The following GFRA1 variants were observed in gnomAD, a reference collection of about 807,000 sequenced individuals.
GFRA1 encodes the protein GDNF family receptor alpha-1.
Under a neutral mutation model 51.6 loss-of-function variants are expected in GFRA1, and 16 were observed. The ratio of observed to expected loss-of-function variants is 0.31; its 90% CI spans 0.21 to 0.47. The LOEUF (loss-of-function observed/expected upper bound fraction) is 0.47. GFRA1 is among the 20% of genes least tolerant of loss of function. The probability of loss-of-function intolerance (pLI) is 1.00; values close to 1 mark genes in which losing one functional copy is unlikely to be tolerated. For missense variants in GFRA1, 530 were observed against 594.3 expected, an observed-to-expected ratio of 0.89 and a Z score of 1.13; for synonymous variants, 270 against 241.3, an observed-to-expected ratio of 1.12 and a Z score of -1.10.
At chr10:116,066,056 G>T (rs369750318) in intron 9 of GFRA1, among the ~76,000 whole-genome samples, 5 of 152,290 alleles carry the variant, frequency 3.3e-5, no homozygotes, top group African/African-American at 1.2e-4. Flanking sequence ...TTTTTGGGAA[G>T]TACCTCCTTC....
At chr10:116,258,980 T>C (rs1389847511) in intron 4 of GFRA1, among the ~76,000 whole-genome samples, 2 of 152,208 alleles carry the variant, frequency 1.3e-5, no homozygotes, top group Admixed American at 6.5e-5. Context: ...AGAATATATA[T>C]AGTGGTTTCA....
intron 5 of GFRA1, among the ~76,000 whole-genome samples, chr10:116,138,094 C>A (rs1958409337): frequency 6.6e-6 from 1 of 152,170 alleles, no homozygotes; most frequent in South Asian, 2.1e-4. Context: ...AGTCACCGCG[C>A]CCGGCCTGTA....
chr10:116,138,092 C>T (rs969742474), intron 5 of GFRA1, among the ~76,000 whole-genome samples: 2 of 152,138 alleles, frequency 1.3e-5, no homozygotes, highest in South Asian at 2.1e-4. Context: ...TGAGTCACCG[C>T]GCCCGGCCTG....
chr10:116,078,720 A>AGC (rs1227165296), intron 9 of GFRA1, among the ~76,000 whole-genome samples: 1 of 152,212 alleles, frequency 6.6e-6, no homozygotes, highest in East Asian at 1.9e-4. Flanking sequence ...CAAAAATAAC[A>AGC]GCGGGTGCTA....
intron 4 of GFRA1, among the ~76,000 whole-genome samples, chr10:116,212,772 T>A (rs1326015386): frequency 6.6e-6 from 1 of 152,188 alleles, no homozygotes; most frequent in African/African-American, 2.4e-5. Context: ...TATACTACAG[T>A]TTATTTCTCC....
intron 5 of GFRA1, among the ~76,000 whole-genome samples, chr10:116,138,673 G>A (rs1327671287): frequency 3.3e-5 from 3 of 91,346 alleles, no homozygotes; most frequent in Non-Finnish European, 4.0e-5. Context: ...CTTCACAACT[G>A]CCCCACCAAC....
At chr10:116,143,290 A>G (rs916350781) in intron 5 of GFRA1, among the ~76,000 whole-genome samples, 3 of 151,830 alleles carry the variant, frequency 2.0e-5, no homozygotes, top group Non-Finnish European at 4.4e-5. Flanking sequence ...TGGGCAGAGC[A>G]CTTCTCAAAC....
At chr10:116,215,665 A>G (rs1044354737) in intron 4 of GFRA1, among the ~76,000 whole-genome samples, 3 of 152,216 alleles carry the variant, frequency 2.0e-5, no homozygotes, top group Non-Finnish European at 4.4e-5. Flanking sequence ...CTGCTCTTGC[A>G]GGAATTGGAA....
intron 5 of GFRA1, among the ~76,000 whole-genome samples, chr10:116,203,998 G>A (rs147503136): frequency 2.6e-5 from 4 of 152,310 alleles, no homozygotes; most frequent in African/African-American, 4.8e-5. Flanking sequence ...ACAAGCCTGG[G>A]TCTGGCGTAG....
intron 5 of GFRA1, among the ~76,000 whole-genome samples, chr10:116,164,522 C>T (rs1207566163): frequency 6.6e-6 from 1 of 152,114 alleles, no homozygotes; most frequent in African/African-American, 2.4e-5. Context: ...CAGTGGCTTC[C>T]TCATTCAGTT....
chr10:116,269,529 A>G lies in GFRA1; in HGVS notation c.392T>C (p.Ile131Thr), dbSNP rs752752562. The G allele has an allele frequency of 1.9e-5, 31 of 1,605,350 alleles. 1 individual carries two copies. The South Asian group carries it at 3.1e-4, about 16-fold the overall frequency. The part of the protein sequence containing the change: ...YEPVNSRLSD[I>T]FRVVPFISDV... ...TGATATGAATGGGACCACCCGGAATATATCTGACAATCTGCTGTTAACTGG... is the reference window on the plus strand; with the variant it reads ...TGATATGAATGGGACCACCCGGAATGTATCTGACAATCTGCTGTTAACTGG... Residue 131 changes from isoleucine to threonine, a missense_variant, in exon 4 of 11, where the codon ATA becomes ACA. Transcript: ENST00000355422.
chr10:116,158,383 T>C (rs1246874035), intron 5 of GFRA1, among the ~76,000 whole-genome samples: 3 of 152,332 alleles, frequency 2.0e-5, no homozygotes, highest in African/African-American at 4.8e-5. Flanking sequence ...GCTCAAAAGA[T>C]ACTTGTTGAG....
intron 8 of GFRA1, 109 bp from the exon 9 acceptor site, chr10:116,090,031 C>T (rs1049003848): frequency 9.9e-7 from 1 of 1,014,640 alleles, no homozygotes; most frequent in Non-Finnish European, 1.5e-6. Context: ...TAGCATTGGA[C>T]TTCTCTGAAC....
In GFRA1 at chr10:116,172,874, T is replaced by C. The variant is rs537055917; in HGVS notation, c.433+38757A>G. Among the ~76,000 whole-genome samples, 104 of 152,190 alleles carry C rather than the reference T, an allele frequency of 6.8e-4. 1 individual carries two copies. Among genetic ancestry groups the C allele is most frequent in the African/African-American group, 2.4e-3 (101 of 41,534 alleles). ...CACTTTGGAACATCTCTGGCAGTCA[T>C]GGGGAGGTAGGTCTAAGAAAATGCA... On this transcript the variant is annotated intron_variant, in intron 5 of 10. Coordinates refer to ENST00000355422, the MANE Select transcript of GFRA1 (RefSeq NM_005264.8).
rs1954880901 is a variant in GFRA1 at position 116,062,745 on chromosome 10, A to G, written c.*1653T>C. ...GAAAAGTGGCCACCAGTACTCGATC[A>G]TTGTAGATTCGGAATCTCGCCATCT... On this transcript the variant is annotated 3_prime_UTR_variant, in exon 11 of 11. Coordinates refer to ENST00000355422, the MANE Select transcript of GFRA1 (RefSeq NM_005264.8). 1 of 152,218 alleles carries G rather than the reference A, an allele frequency of 6.6e-6. No homozygotes were observed. Among genetic ancestry groups the G allele is most frequent in the South Asian group, 2.1e-4 (1 of 4,834 alleles). The allele number at this position is 152,218 out of a possible 1,614,324, so 9.4% of individuals were successfully genotyped here.
intron 8 of GFRA1, among the ~76,000 whole-genome samples, chr10:116,091,652 A>C (rs1956340515): frequency 6.6e-6 from 1 of 152,220 alleles, no homozygotes; most frequent in Non-Finnish European, 1.5e-5. Flanking sequence ...GTGTTCATGA[A>C]AGGAGAATCT....
At chr10:116,267,976 C>A (rs1411971020) in intron 4 of GFRA1, among the ~76,000 whole-genome samples, 1 of 149,402 alleles carries the variant, frequency 6.7e-6, no homozygotes, top group Admixed American at 6.7e-5. Context: ...CACACACACA[C>A]TTTTCCTCTG....
rs112852362 is a variant in GFRA1, at chr10:116,165,346, C to T, written c.434-39789G>A. 3.2e-3 allele frequency among the ~76,000 whole-genome samples: 470 copies of T among 146,272 alleles called. 5 individuals carry two copies. The highest frequency in any genetic ancestry group is 0.013 in the African/African-American group (454 of 36,012). On this transcript the variant is annotated intron_variant, in intron 5 of 10. Transcript: ENST00000355422. Reference sequence around the variant, plus strand: ...CTTCCATATGTTTGAAATGTTGGGTCCATTTCTCTCCTTATAAAACTGAGG... The same window carrying T: ...CTTCCATATGTTTGAAATGTTGGGTTCATTTCTCTCCTTATAAAACTGAGG...
intron 5 of GFRA1, among the ~76,000 whole-genome samples, chr10:116,205,098 A>G (rs1036667620): frequency 4.6e-5 from 7 of 152,202 alleles, no homozygotes; most frequent in Non-Finnish European, 7.3e-5. Flanking sequence ...TAAAAATCCA[A>G]TATTATAATC....
Sources: allele counts gnomAD v4.1 joint callset (sites outside exome capture counted in the v4.1 genomes callset), GRCh38; gene constraint gnomAD v4.1.1; transcripts MANE v1.5; gene names NCBI Gene and HGNC (gene_info 2026-07-23, HGNC 2026-07-21).